Variants in KCNMA1 observed in about 807,000 individuals in gnomAD.
KCNMA1 encodes Calcium-activated potassium channel subunit alpha-1.
In KCNMA1, 29 loss-of-function variants were observed where a neutral mutation model predicts 140.0. The observed-to-expected ratio is 0.21, with a 90% CI of 0.15 to 0.28. KCNMA1 has a LOEUF of 0.28. Ranked by LOEUF, KCNMA1 falls within the 10% of genes least tolerant of loss-of-function variation. The pLI is 1.00. For missense variants in KCNMA1, 880 were observed against 1,602.2 expected (o/e 0.55, Z 7.70); for synonymous variants, 612 against 611.9 (o/e 1.00, Z 0.00).
intron 23 of KCNMA1, among the ~76,000 whole-genome samples, chr10:76,941,039 A>G (rs1301700099): frequency 1.3e-5 from 1 of 74,678 alleles, no homozygotes; most frequent in Non-Finnish European, 2.7e-5. Context: ...GAAAGAAAGA[A>G]AGAAAGAAAG....
intron 2 of KCNMA1, among the ~76,000 whole-genome samples, chr10:77,313,461 G>A (rs189220695): frequency 7.4e-4 from 112 of 152,230 alleles, no homozygotes; most frequent in Admixed American, 1.8e-3. Context: ...TGTTCATTTT[G>A]ACTTTGGTTT....
chr10:77,035,281 TC>T (rs1304945633), intron 15 of KCNMA1, among the ~76,000 whole-genome samples: 1 of 152,070 alleles, frequency 6.6e-6, no homozygotes, highest in East Asian at 1.9e-4. Context: ...GAATCAAAAC[TC>T]CCGACAAGAC....
chr10:77,614,759 G>C (rs114925637), intron 1 of KCNMA1, among the ~76,000 whole-genome samples: 1 of 152,120 alleles, frequency 6.6e-6, no homozygotes, highest in African/African-American at 2.4e-5. Flanking sequence ...CTCACTGCAT[G>C]AGCAGAGGAA....
chr10:77,532,389 G>A (rs916395533), intron 1 of KCNMA1, among the ~76,000 whole-genome samples: 3 of 152,248 alleles, frequency 2.0e-5, no homozygotes, highest in Admixed American at 2.0e-4. Context: ...ACCAAGCCAG[G>A]AAGGGAAGAG....
chr10:77,527,812 T>A (rs2056339763), intron 1 of KCNMA1, among the ~76,000 whole-genome samples: 1 of 151,728 alleles, frequency 6.6e-6, no homozygotes, highest in Non-Finnish European at 1.5e-5. Flanking sequence ...GGTGGCTGAG[T>A]GGGCCCTGGT....
intron 5 of KCNMA1, among the ~76,000 whole-genome samples, chr10:77,158,852 T>G (rs980614654): frequency 6.6e-6 from 1 of 152,122 alleles, no homozygotes; most frequent in African/African-American, 2.4e-5. Context: ...TAGTTGTGGA[T>G]ATGGTAGCCT....
intron 25 of KCNMA1, 150 bp from the exon 26 acceptor site, chr10:76,891,869 A>T: frequency 1.4e-6 from 1 of 711,752 alleles, no homozygotes. Context: ...GAGTGAAAAG[A>T]CAGCAGCCTC....
intron 2 of KCNMA1, among the ~76,000 whole-genome samples, chr10:77,289,388 C>T (rs1455070819): frequency 6.6e-6 from 1 of 152,178 alleles, no homozygotes; most frequent in African/African-American, 2.4e-5. Flanking sequence ...TAACTCCAGC[C>T]GGCGTCCCTC....
intron 2 of KCNMA1, among the ~76,000 whole-genome samples, chr10:77,331,348 T>C (rs971207083): frequency 1.3e-5 from 2 of 152,108 alleles, no homozygotes; most frequent in African/African-American, 4.8e-5. Flanking sequence ...ATGGCAACCA[T>C]GGGTCAGTGA....
At chr10:77,297,853 G>A (rs1047834669) in intron 2 of KCNMA1, among the ~76,000 whole-genome samples, 58 of 152,170 alleles carry the variant, frequency 3.8e-4, no homozygotes, top group African/African-American at 1.3e-3. Context: ...AATTTCTCCT[G>A]CCTGGATTCC....
chr10:77,314,589 C>T (rs891053965), intron 2 of KCNMA1, among the ~76,000 whole-genome samples: 82 of 152,230 alleles, frequency 5.4e-4, no homozygotes, highest in African/African-American at 1.9e-3. Context: ...TGCTCGTTAT[C>T]CATCTTGATT....
chr10:77,516,322 T>C (rs2050411667), intron 1 of KCNMA1, among the ~76,000 whole-genome samples: 1 of 152,150 alleles, frequency 6.6e-6, no homozygotes, highest in African/African-American at 2.4e-5. Flanking sequence ...ACAAAGAGCT[T>C]TCTCTCCATG....
In KCNMA1 at chr10:76,885,540, A is replaced by C; in HGVS notation, c.*1726T>G. The stretch of plus-strand genomic sequence containing the variant: ...TGCTTGAGGGGACGGGGGATCCAAA[A>C]TCTAAATCCAAAACATTCACCATAA... On this transcript the variant is annotated 3_prime_UTR_variant, in exon 28 of 28. Coordinates refer to ENST00000286628, the MANE Select transcript of KCNMA1 (RefSeq NM_001161352.2). The C allele has an allele frequency of 6.1e-6, 6 of 985,354 alleles. No homozygotes were observed. Among genetic ancestry groups the C allele is most frequent in the Non-Finnish European group, 7.2e-6 (6 of 829,922 alleles). The allele number at this position is 985,354 out of a possible 1,614,324, so 61.0% of individuals were successfully genotyped here.
At chr10:77,130,580 A>T (rs2153985054) in intron 5 of KCNMA1, among the ~76,000 whole-genome samples, 1 of 152,324 alleles carries the variant, frequency 6.6e-6, no homozygotes, top group East Asian at 1.9e-4. Flanking sequence ...AATTAAAATG[A>T]TAATCCAGAG....
chr10:77,473,018 TA>T (rs1286576050), intron 1 of KCNMA1, among the ~76,000 whole-genome samples: 1 of 152,238 alleles, frequency 6.6e-6, no homozygotes, highest in Non-Finnish European at 1.5e-5. Context: ...CAGGGTGCTG[TA>T]CCCTAACCCT....
intron 20 of KCNMA1, among the ~76,000 whole-genome samples, chr10:76,959,137 T>C (rs1353656515): frequency 6.6e-6 from 1 of 152,204 alleles, no homozygotes; most frequent in Non-Finnish European, 1.5e-5. Flanking sequence ...TTAGATCTGC[T>C]CTGCCAGAGT....
At chr10:77,401,088 C>G (rs58610929) in intron 2 of KCNMA1, among the ~76,000 whole-genome samples, 21,628 of 151,770 alleles carry the variant, frequency 0.14, 2,327 homozygotes, top group African/African-American at 0.3. Flanking sequence ...CCACTTGTCC[C>G]CCAGCTCTCT....
chr10:77,634,603 A>T, intron 1 of KCNMA1: 1 of 985,314 alleles, frequency 1.0e-6, no homozygotes, highest in Non-Finnish European at 1.2e-6. Context: ...TTGGGGCTGA[A>T]GGAGGGTGAG....
intron 25 of KCNMA1, among the ~76,000 whole-genome samples, chr10:76,895,525 T>C (rs1479331133): frequency 6.6e-6 from 1 of 152,012 alleles, no homozygotes; most frequent in Non-Finnish European, 1.5e-5. Context: ...ACCCAAAAGG[T>C]GAAAATAACC....
Sources: allele counts gnomAD v4.1 joint callset (sites outside exome capture counted in the v4.1 genomes callset), GRCh38; gene constraint gnomAD v4.1.1; transcripts MANE v1.5; gene names NCBI Gene and HGNC (gene_info 2026-07-23, HGNC 2026-07-21).